The following PATJ variants were observed in gnomAD, a reference collection of about 807,000 sequenced individuals.
The protein encoded by PATJ is PATJ crumbs cell polarity complex component, also known as inaD-like protein.
PATJ carries 190 observed loss-of-function variants against 224.9 expected under a neutral mutation model. The ratio of observed to expected loss-of-function variants is 0.84; its 90% CI spans 0.75 to 0.95. The LOEUF is 0.95. PATJ is among the 40% of genes least tolerant of loss of function. The pLI is 0.00. For synonymous variants in PATJ, 769 were observed against 820.3 expected, an observed-to-expected ratio of 0.94 and a Z score of 1.07; for missense variants, 2,121 against 2,270.3, an observed-to-expected ratio of 0.93 and a Z score of 1.34.
intron 24 of PATJ, among the ~76,000 whole-genome samples, chr1:61,903,168 G>C (rs1671423620): frequency 6.6e-6 from 1 of 152,194 alleles, no homozygotes; most frequent in Non-Finnish European, 1.5e-5. Context: ...GAGTATTCTG[G>C]CTTCAGGGGC....
intron 15 of PATJ, among the ~76,000 whole-genome samples, chr1:61,825,502 C>T (rs1033362747): frequency 6.7e-6 from 1 of 150,302 alleles, no homozygotes; most frequent in Non-Finnish European, 1.5e-5. Flanking sequence ...CTCAAAGTGT[C>T]GTGTGTGTGT....
At chr1:61,780,413 C>T (rs1335718532) in intron 7 of PATJ, among the ~76,000 whole-genome samples, 1 of 152,058 alleles carries the variant, frequency 6.6e-6, no homozygotes, top group Non-Finnish European at 1.5e-5. Flanking sequence ...TGCAGTGAGC[C>T]AAGATCACGC....
In PATJ at chr1:62,130,711, C is replaced by A. The variant is rs563147019; in HGVS notation, c.5271+1766C>A. Among the ~76,000 whole-genome samples the A allele has an allele frequency of 6.1e-3, 923 of 152,006 alleles. 9 individuals carry two copies. Among genetic ancestry groups the A allele is most frequent in the African/African-American group, 0.021 (878 of 41,474 alleles). On this transcript the variant is annotated intron_variant, in intron 41 of 43. Transcript: ENST00000642238. ...CTAAAAATACAAAAAATTAGCCGGG[C>A]ATGGTGGCGGGCGCCTATAGTCCCA...
intron 28 of PATJ, among the ~76,000 whole-genome samples, chr1:62,001,664 C>T (rs547124172): frequency 5.1e-4 from 77 of 151,922 alleles, no homozygotes; most frequent in Non-Finnish European, 1.0e-3. Flanking sequence ...CTTGGCAATG[C>T]GGGCTCTTTT....
rs1558148619 is a variant in PATJ at position 62,086,321 on chromosome 1, T to C, written c.4377+1673T>C. On this transcript the variant is annotated intron_variant, in intron 33 of 43. Transcript: ENST00000642238. The surrounding 1 kb of genome is among the most constrained non-coding windows in gnomAD (Gnocchi z 4.0). The stretch of plus-strand genomic sequence containing the variant: ...AAAAGGAAAATTGTGTGTGTGTGTA[T>C]GTAATACCTGCATCTTATACAAAGT... 6.6e-6 allele frequency among the ~76,000 whole-genome samples: 1 copy of C among 152,078 alleles called. No homozygotes were observed. The highest frequency in any genetic ancestry group is 1.5e-5 in the Non-Finnish European group (1 of 68,022).
chr1:61,957,962 C>T (rs1279665767), intron 27 of PATJ, among the ~76,000 whole-genome samples: 2 of 152,140 alleles, frequency 1.3e-5, no homozygotes, highest in Non-Finnish European at 2.9e-5. Flanking sequence ...ATAATGCTAC[C>T]TACCTAATAA....
chr1:61,984,047 A>C lies in PATJ; in HGVS notation c.3671-6121A>C, dbSNP rs548258978. 2.6e-5 allele frequency among the ~76,000 whole-genome samples: 4 copies of C among 152,050 alleles called. No homozygotes were observed. In the South Asian group the frequency reaches 8.3e-4, roughly 32 times the overall value. ...GCTATATTGCCCAGGCTAGTCTTGA[A>C]TTCCTGCCCTTAAGCAATCTTTCTG... On this transcript the variant is annotated intron_variant, in intron 27 of 43. Transcript: ENST00000642238.
At chr1:62,132,625 G>A (rs115523618) in intron 41 of PATJ, among the ~76,000 whole-genome samples, 1,578 of 152,196 alleles carry the variant, frequency 0.01, 22 homozygotes, top group African/African-American at 0.036. Context: ...TAAATGGGCC[G>A]GGTGCAGTGG....
intron 14 of PATJ, among the ~76,000 whole-genome samples, chr1:61,812,163 A>G (rs1311612850): frequency 6.6e-6 from 1 of 152,020 alleles, no homozygotes; most frequent in Non-Finnish European, 1.5e-5. Flanking sequence ...AAGTAATTCC[A>G]ATATCTGGAT....
intron 33 of PATJ, among the ~76,000 whole-genome samples, chr1:62,095,502 A>G (rs911252988): frequency 2.6e-5 from 4 of 152,236 alleles, no homozygotes; most frequent in African/African-American, 9.6e-5. Flanking sequence ...GCATTGACAT[A>G]TAAGCATAAA....
chr1:61,862,791 A>G (rs1163855524), intron 19 of PATJ, among the ~76,000 whole-genome samples: 1 of 151,992 alleles, frequency 6.6e-6, no homozygotes, highest in Non-Finnish European at 1.5e-5. Flanking sequence ...CTTAAAAGGA[A>G]TTATACTTAT....
At chr1:61,932,889 G>C (rs1676241617) in intron 27 of PATJ, among the ~76,000 whole-genome samples, 1 of 151,948 alleles carries the variant, frequency 6.6e-6, no homozygotes, top group African/African-American at 2.4e-5. Context: ...ACAGAGGAAG[G>C]CTCTGTCCGA....
intron 14 of PATJ, among the ~76,000 whole-genome samples, chr1:61,820,690 G>A (rs931702641): frequency 6.6e-6 from 1 of 152,130 alleles, no homozygotes; most frequent in Non-Finnish European, 1.5e-5. Context: ...ATTTTAAATT[G>A]TTTAACAACT....
intron 41 of PATJ, among the ~76,000 whole-genome samples, chr1:62,134,895 G>A (rs1460032921): frequency 6.6e-6 from 1 of 152,144 alleles, no homozygotes; most frequent in African/African-American, 2.4e-5. Context: ...AGTTACCAAT[G>A]TAGTCCAGAA....
At chr1:61,822,499 A>G (rs1270669517) in intron 14 of PATJ, among the ~76,000 whole-genome samples, 1 of 152,038 alleles carries the variant, frequency 6.6e-6, no homozygotes. Flanking sequence ...ATGGAGATGT[A>G]CAGAGGGCAG....
chr1:61,988,695 T>C (rs1644898065), intron 27 of PATJ, among the ~76,000 whole-genome samples: 1 of 152,208 alleles, frequency 6.6e-6, no homozygotes, highest in Non-Finnish European at 1.5e-5. Flanking sequence ...AGCCCCCCCT[T>C]GTGCTTTATT....
intron 31 of PATJ, among the ~76,000 whole-genome samples, chr1:62,078,632 A>G (rs1467410712): frequency 6.6e-6 from 1 of 151,768 alleles, no homozygotes; most frequent in Non-Finnish European, 1.5e-5. Flanking sequence ...TGTCAGCAAA[A>G]ATCCAGAATT....
At chr1:61,949,892 ACT>A (rs1679366630) in intron 27 of PATJ, among the ~76,000 whole-genome samples, 2 of 147,018 alleles carry the variant, frequency 1.4e-5, no homozygotes, top group Non-Finnish European at 3.0e-5. Flanking sequence ...ACAGAGCGAG[ACT>A]CTGTCTCAAA....
intron 14 of PATJ, among the ~76,000 whole-genome samples, chr1:61,821,144 AT>A (rs1171300289): frequency 1.3e-5 from 2 of 150,700 alleles, no homozygotes; most frequent in African/African-American, 4.9e-5. Flanking sequence ...GGGTTTACTT[AT>A]GCCATTCTCC....
Sources: allele counts gnomAD v4.1 joint callset (sites outside exome capture counted in the v4.1 genomes callset), GRCh38; gene constraint gnomAD v4.1.1; non-coding constraint Gnocchi (gnomAD v3.1); transcripts MANE v1.5; gene names NCBI Gene and HGNC (gene_info 2026-07-23, HGNC 2026-07-21).